PREX1: variants seen among roughly 807,000 people sequenced by gnomAD.
The protein encoded by PREX1 is phosphatidylinositol-3,4,5-trisphosphate dependent Rac exchange factor 1.
A neutral mutation model predicts 198.3 loss-of-function variants in PREX1; 41 were observed. That is an observed-to-expected ratio of 0.21 (90% CI 0.16 to 0.27). PREX1 has a LOEUF of 0.27. Among genes scored for constraint, PREX1 ranks in the 10% least tolerant of loss-of-function variants. The pLI is 1.00. For missense variants in PREX1, 1,620 were observed against 2,200.7 expected (o/e 0.74, Z 5.28); for synonymous variants, 843 against 887.2 (o/e 0.95, Z 0.89).
chr20:48,668,652 G>A (rs1247684162), intron 14 of PREX1, among the ~76,000 whole-genome samples: 1 of 152,212 alleles, frequency 6.6e-6, no homozygotes, highest in Non-Finnish European at 1.5e-5. Flanking sequence ...CTGGGGCAGA[G>A]CCTCTGGCCT....
At chr20:48,780,145 T>C (rs1212218319) in intron 1 of PREX1, among the ~76,000 whole-genome samples, 1 of 152,224 alleles carries the variant, frequency 6.6e-6, no homozygotes, top group Admixed American at 6.5e-5. Context: ...CATATATTCC[T>C]GGATACCATG....
chr20:48,690,470 T>C (rs2089812525), intron 9 of PREX1, among the ~76,000 whole-genome samples: 1 of 152,068 alleles, frequency 6.6e-6, no homozygotes, highest in Non-Finnish European at 1.5e-5. Flanking sequence ...CACACAGTTG[T>C]TGCACGCCCA....
At position 48,652,641 on chromosome 20, in the gene PREX1, G is replaced by C. The variant is rs762260577; in HGVS notation, c.2412C>G (p.Ala804=). The change falls in exon 21 of 40, where the codon GCC becomes GCG. Residue 804 remains alanine (A), a synonymous_variant. Transcript: ENST00000371941. The part of the protein sequence containing the change: ...DAQEARASQE[A]STEDPSGEQA... ...GCTCGCCACTGGGGTCCTCAGTGGA[G>C]GCCTCCTGACTGGCTCGTGCTTCCT... 3.1e-6 allele frequency: 5 copies of C among 1,613,756 alleles called. No homozygotes were observed. The highest frequency in any genetic ancestry group is 4.2e-6 in the Non-Finnish European group (5 of 1,179,802).
At chr20:48,755,483 C>T (rs1423926177) in intron 1 of PREX1, among the ~76,000 whole-genome samples, 1 of 152,186 alleles carries the variant, frequency 6.6e-6, no homozygotes, top group East Asian at 1.9e-4. Flanking sequence ...ATATTATGTA[C>T]AACATCTTGG....
At chr20:48,799,292 G>A (rs924047522) in intron 1 of PREX1, among the ~76,000 whole-genome samples, 8 of 152,112 alleles carry the variant, frequency 5.3e-5, no homozygotes, top group African/African-American at 1.9e-4. Context: ...GTTGAGGGTG[G>A]CAGGAGCTTG....
intron 1 of PREX1, among the ~76,000 whole-genome samples, chr20:48,810,811 C>T (rs951434058): frequency 6.7e-6 from 1 of 149,818 alleles, no homozygotes; most frequent in African/African-American, 2.5e-5. Flanking sequence ...CACTTGAACC[C>T]GGGAGGCAGG....
At chr20:48,745,311 A>C (rs1298326027) in intron 2 of PREX1, among the ~76,000 whole-genome samples, 164 bp from the exon 3 acceptor site, 2 of 152,230 alleles carry the variant, frequency 1.3e-5, no homozygotes, top group Admixed American at 1.3e-4. Context: ...GTAATAACAG[A>C]AATATTACCA....
intron 1 of PREX1, among the ~76,000 whole-genome samples, chr20:48,796,507 C>T (rs900246041): frequency 1.3e-5 from 2 of 152,106 alleles, no homozygotes; most frequent in Non-Finnish European, 2.9e-5. Context: ...GACACCGGGG[C>T]CAGTGGCTGC....
At chr20:48,824,140 C>T (rs1434969878) in intron 1 of PREX1, among the ~76,000 whole-genome samples, 5 of 152,116 alleles carry the variant, frequency 3.3e-5, no homozygotes, top group Admixed American at 3.3e-4. Flanking sequence ...GAGTCAAAAC[C>T]CCAGGCACTG....
Position 48,657,117 on chromosome 20 carries a change from T to C in PREX1, c.2046A>G (p.Ser682=), listed in dbSNP as rs746970728. ...NEDLVFLRPF[S]EVESILNQSF... ...ACTGGTTGAGGATGGACTCCACCTC[T>C]GAAAACGGCCGCAGGAACACCAGGT... The change falls in exon 18 of 40, where the codon TCA becomes TCG. Residue 682 remains serine (S), a synonymous_variant. Coordinates refer to ENST00000371941, the MANE Select transcript of PREX1 (RefSeq NM_020820.4). 2 of 1,612,296 alleles carry C rather than the reference T, an allele frequency of 1.2e-6. No individual in the cohort carries two copies. Among genetic ancestry groups the C allele is most frequent in the Admixed American group, 3.3e-5 (2 of 59,798 alleles).
At chr20:48,635,402 C>T (rs1158608681) in intron 32 of PREX1, among the ~76,000 whole-genome samples, 1 of 152,180 alleles carries the variant, frequency 6.6e-6, no homozygotes, top group Admixed American at 6.5e-5. Flanking sequence ...GAAAACTTAA[C>T]CCAAATTATA....
chr20:48,769,796 C>G (rs2090226935), intron 1 of PREX1, among the ~76,000 whole-genome samples: 1 of 152,220 alleles, frequency 6.6e-6, no homozygotes, highest in South Asian at 2.1e-4. Context: ...GCCACATCTT[C>G]CCAGCAGCCC....
At chr20:48,685,799 C>G (rs978789605) in intron 10 of PREX1, among the ~76,000 whole-genome samples, 1 of 152,100 alleles carries the variant, frequency 6.6e-6, no homozygotes, top group East Asian at 1.9e-4. Flanking sequence ...ACTCAGGAGG[C>G]AGGAAGATCG....
At chr20:48,850,597 G>T in the PREX1 span, among the ~76,000 whole-genome samples, 2 of 152,104 alleles carry the variant, frequency 1.3e-5, no homozygotes, top group Non-Finnish European at 2.9e-5. Context: ...TATCTTGAAG[G>T]AGAGAGAAAA....
chr20:48,636,253 C>CA (rs1339796145), intron 32 of PREX1, among the ~76,000 whole-genome samples: 5 of 152,372 alleles, frequency 3.3e-5, no homozygotes, highest in African/African-American at 1.2e-4. Context: ...CCCACTGGGA[C>CA]AGAAGATCCC....
At position 48,738,144 on chromosome 20, in the gene PREX1, G is replaced by A. The variant is rs6095265; in HGVS notation, c.415-3494C>T. Among the ~76,000 whole-genome samples, 549 of 152,260 alleles carry A rather than the reference G, an allele frequency of 3.6e-3. 1 individual carries two copies. Among genetic ancestry groups the A allele is most frequent in the Middle Eastern group, 0.024 (7 of 294 alleles). On this transcript the variant is annotated intron_variant, in intron 3 of 39. Transcript: ENST00000371941. ...CTGGGCCAGAAAGCAGGGACAAATC[G>A]GTTTCTTCCCACATACCAACCCCAG...
intron 24 of PREX1, 84 bp downstream of exon 24, chr20:48,649,912 G>T: frequency 6.7e-7 from 1 of 1,483,456 alleles, no homozygotes; most frequent in South Asian, 1.2e-5. Flanking sequence ...TCCAGCCCTG[G>T]ACGGCTGACC....
rs190380567 is a variant in PREX1 at position 48,707,112 on chromosome 20, C to T, written c.783+1148G>A. Among the ~76,000 whole-genome samples the T allele has an allele frequency of 2.6e-5, 4 of 152,340 alleles. No individual in the cohort carries two copies. In the East Asian group the frequency reaches 5.8e-4, roughly 22 times the overall value. ...ATGCATCTGACGCACAGGAAGCTGGCGCCCGGGCCCTCTTCTAACGTTACC... is the reference window on the plus strand; with the variant it reads ...ATGCATCTGACGCACAGGAAGCTGGTGCCCGGGCCCTCTTCTAACGTTACC... On this transcript the variant is annotated intron_variant, in intron 6 of 39. Transcript: ENST00000371941.
intron 1 of PREX1, among the ~76,000 whole-genome samples, chr20:48,795,971 A>G (rs1396622671): frequency 3.3e-5 from 5 of 152,228 alleles, no homozygotes; most frequent in Non-Finnish European, 2.9e-5. Flanking sequence ...TGGCAATGAC[A>G]TGAACAAACA....
Sources: gnomAD v4.1 joint callset for allele counts (sites outside exome capture counted in the v4.1 genomes callset) on GRCh38, gnomAD v4.1.1 for gene constraint, MANE v1.5 for transcripts, NCBI Gene and HGNC (gene_info 2026-07-23, HGNC 2026-07-21) for gene names.